The following NECAB2 variants were observed in gnomAD, a reference collection of about 807,000 sequenced individuals.
The protein encoded by NECAB2 is N-terminal EF-hand calcium binding protein 2, also known as N-terminal EF-hand calcium-binding protein 2.
A neutral mutation model predicts 51.9 loss-of-function variants in NECAB2; 68 were observed. The ratio of observed to expected loss-of-function variants is 1.31; its 90% CI spans 1.08 to 1.60. The LOEUF is 1.60. Among genes scored for constraint, NECAB2 ranks in the 40% most tolerant of loss-of-function variants. The probability of loss-of-function intolerance (pLI) is 0.00; values close to 1 mark genes in which losing one functional copy is unlikely to be tolerated. For synonymous variants in NECAB2, 329 were observed against 203.5 expected (o/e 1.62, Z -5.25); for missense variants, 854 against 490.3 (o/e 1.74, Z -7.00).
At chr16:83,982,758 T>C (rs7194613) in intron 5 of NECAB2, among the ~76,000 whole-genome samples, 40,717 of 152,144 alleles carry the variant, frequency 0.27, 10,064 homozygotes, top group African/African-American at 0.66. Flanking sequence ...TTGGAAGTCA[T>C]GTGCGTATGA....
At chr16:83,972,862 GGC>G (rs2084364145) in intron 2 of NECAB2, among the ~76,000 whole-genome samples, 1 of 152,170 alleles carries the variant, frequency 6.6e-6, no homozygotes, top group African/African-American at 2.4e-5. Flanking sequence ...AGCACGTTTA[GGC>G]GGCCCAGCTG....
intron 2 of NECAB2, among the ~76,000 whole-genome samples, chr16:83,976,192 G>T (rs1371768287): frequency 1.3e-5 from 2 of 152,142 alleles, no homozygotes; most frequent in East Asian, 3.9e-4. Flanking sequence ...CCCAAAGTGG[G>T]GGTGCCTGAG....
chr16:84,001,795 C>G (rs978315438), intron 11 of NECAB2, 30 bp from the exon 12 acceptor site: 1 of 1,612,642 alleles, frequency 6.2e-7, no homozygotes, highest in East Asian at 2.2e-5. Context: ...CTCCTGCCAC[C>G]CCTGACTCAC....
intron 10 of NECAB2, among the ~76,000 whole-genome samples, chr16:83,999,394 T>C (rs1246650697): frequency 2.0e-5 from 3 of 152,154 alleles, no homozygotes; most frequent in Admixed American, 1.3e-4. Flanking sequence ...CCCGATGCGC[T>C]GTGGAGAGGA....
Position 84,002,414 on chromosome 16 carries a change from T to C in NECAB2, c.*68T>C, listed in dbSNP as rs1387501335. On this transcript the variant is annotated 3_prime_UTR_variant, in exon 13 of 13. Coordinates refer to ENST00000305202, the MANE Select transcript of NECAB2 (RefSeq NM_019065.3). The stretch of plus-strand genomic sequence containing the variant: ...TCTTGTGAAGGAAATCCCGTTTTTT[T>C]CTAGACAGACACTTTGGTGCAGAAG... The C allele has an allele frequency of 5.2e-6, 8 of 1,548,482 alleles. No homozygotes were observed. The highest frequency in any genetic ancestry group is 1.7e-5 in the Admixed American group (1 of 59,880).
chr16:83,966,116 C>T (rs552099252), upstream of NECAB2: 54 of 897,206 alleles, frequency 6.0e-5, no homozygotes, highest in African/African-American at 5.2e-4. Flanking sequence ...TGTCAGCCCA[C>T]GTTGCTGGCC....
intron 1 of NECAB2, among the ~76,000 whole-genome samples, chr16:83,969,172 C>A (rs1319507682): frequency 1.3e-5 from 2 of 151,466 alleles, no homozygotes; most frequent in African/African-American, 2.4e-5. Flanking sequence ...CCAAGCCAAA[C>A]CCCCACCCTT....
chr16:84,000,574 C>A, intron 10 of NECAB2, 150 bp from the exon 11 acceptor site: 1 of 604,426 alleles, frequency 1.7e-6, no homozygotes, highest in Non-Finnish European at 3.0e-6. Context: ...TGGGGTCACC[C>A]TGTCGAGTCT....
At chr16:83,992,377 T>TCCCCCCCCCCCCCCCC (rs60014664) in intron 6 of NECAB2, among the ~76,000 whole-genome samples, 2 of 133,044 alleles carry the variant, frequency 1.5e-5, no homozygotes, top group African/African-American at 6.4e-5. Flanking sequence ...CGAGCACCCG[T>TCCCCCCCCCCCCCCCC]CCCCCCGCCC....
chr16:83,988,299 G>T (rs886162406), intron 5 of NECAB2, among the ~76,000 whole-genome samples: 1 of 151,738 alleles, frequency 6.6e-6, no homozygotes, highest in East Asian at 1.9e-4. Flanking sequence ...GGTCTGCCCT[G>T]TTTATATCAT....
chr16:84,000,762 T>C lies in NECAB2; in HGVS notation c.1001T>C (p.Val334Ala). ...AGGCTCTCAGATGGCTTCACCTTTGTCATCTATGAGTTCTGGGAGACAGAG... is the reference window on the plus strand; with the variant it reads ...AGGCTCTCAGATGGCTTCACCTTTGCCATCTATGAGTTCTGGGAGACAGAG... ...AVRLSDGFTF[V>A]IYEFWETEEA... Residue 334 changes from valine (V) to alanine (A), a missense_variant, in exon 11 of 13, where the codon GTC (valine) becomes GCC (alanine). Physicochemically the swap from Val to Ala is moderately conservative, Grantham distance 64. Coordinates refer to ENST00000305202, the MANE Select transcript of NECAB2 (RefSeq NM_019065.3). 6.2e-7 allele frequency: 1 copy of C among 1,613,836 alleles called. No homozygotes were observed. Among genetic ancestry groups the C allele is most frequent in the Middle Eastern group, 1.7e-4 (1 of 6,058 alleles).
At chr16:83,999,758 C>T (rs554796326) in intron 10 of NECAB2, among the ~76,000 whole-genome samples, 170 of 152,204 alleles carry the variant, frequency 1.1e-3, no homozygotes, top group African/African-American at 3.8e-3. Context: ...TGGCCCAGCA[C>T]CCCCTCCCCT....
At chr16:83,998,793 G>C (rs991164274) in intron 10 of NECAB2, among the ~76,000 whole-genome samples, 7 of 128,372 alleles carry the variant, frequency 5.5e-5, no homozygotes, top group African/African-American at 3.2e-4. Context: ...AAGTCATGTA[G>C]TTGCCCTTCT....
intron 8 of NECAB2, among the ~76,000 whole-genome samples, chr16:83,996,042 C>T (rs1341366759): frequency 4.6e-5 from 7 of 152,222 alleles, no homozygotes; most frequent in African/African-American, 1.7e-4. Context: ...CTCTAACTGG[C>T]CCGGGCGGTC....
At chr16:84,002,051 G>C in intron 12 of NECAB2, 135 bp downstream of exon 12, 1 of 1,130,522 alleles carries the variant, frequency 8.8e-7, no homozygotes, top group Non-Finnish European at 1.3e-6. Flanking sequence ...ACCAATGCCA[G>C]GCTCAGAGCC....
At chr16:83,998,392 T>G (rs1275505473) in intron 10 of NECAB2, 75 bp downstream of exon 10, 1 of 1,414,658 alleles carries the variant, frequency 7.1e-7, no homozygotes, top group African/African-American at 1.4e-5. Flanking sequence ...AGGGCAGGAC[T>G]AGGCTTTGCC....
chr16:84,001,778 A>G, intron 11 of NECAB2, 47 bp from the exon 12 acceptor site: 2 of 1,597,628 alleles, frequency 1.3e-6, no homozygotes, highest in South Asian at 1.1e-5. Context: ...CCACACGCGG[A>G]GCTCCACTCC....
At chr16:83,980,196 C>G (rs1281801539) in intron 3 of NECAB2, among the ~76,000 whole-genome samples, 2 of 152,218 alleles carry the variant, frequency 1.3e-5, no homozygotes, top group African/African-American at 4.8e-5. Flanking sequence ...CCATCTCTAG[C>G]CAGTCCCAGA....
At chr16:83,995,359 C>T (rs953493899) in intron 8 of NECAB2, among the ~76,000 whole-genome samples, 1 of 151,842 alleles carries the variant, frequency 6.6e-6, no homozygotes, top group Non-Finnish European at 1.5e-5. Flanking sequence ...GACTTGTCCT[C>T]TCTGAGGCTT....
Sources: gnomAD v4.1 joint callset for allele counts (sites outside exome capture counted in the v4.1 genomes callset) on GRCh38, gnomAD v4.1.1 for gene constraint, MANE v1.5 for transcripts, NCBI Gene and HGNC (gene_info 2026-07-23, HGNC 2026-07-21) for gene names.